ATG2B: variants seen among roughly 807,000 people sequenced by gnomAD.
ATG2B encodes autophagy-related protein 2 homolog B.
ATG2B carries 121 observed loss-of-function variants against 241.3 expected under a neutral mutation model. That is an observed-to-expected ratio of 0.50 (90% CI 0.43 to 0.58). ATG2B has a LOEUF of 0.58. Ranked by LOEUF, ATG2B falls within the 20% of genes least tolerant of loss-of-function variation. The pLI, the probability that ATG2B is intolerant of heterozygous loss-of-function variation, is 0.00. For missense variants in ATG2B, 2,306 were observed against 2,491.6 expected (o/e 0.93, Z 1.59); for synonymous variants, 858 against 876.6 (o/e 0.98, Z 0.37).
chr14:96,329,415 C>G, intron 12 of ATG2B, 69 bp downstream of exon 12: 1 of 1,119,464 alleles, frequency 8.9e-7, no homozygotes, highest in Non-Finnish European at 1.3e-6. Flanking sequence ...AAATCATTGC[C>G]TCATACAATC....
At chr14:96,332,280 C>T in intron 10 of ATG2B, 25 bp downstream of exon 10, 1 of 1,550,648 alleles carries the variant, frequency 6.4e-7, no homozygotes, top group South Asian at 1.1e-5. Flanking sequence ...CGGAAACTAA[C>T]AACAAATGTC....
chr14:96,342,680 C>G (rs1376869192), intron 5 of ATG2B, among the ~76,000 whole-genome samples: 1 of 149,968 alleles, frequency 6.7e-6, no homozygotes, highest in African/African-American at 2.5e-5. Context: ...CGAGATTGCG[C>G]CACTGCACAC....
chr14:96,339,271 AGTGTGTGTGTGTGTGT>A (rs34822684), intron 6 of ATG2B, among the ~76,000 whole-genome samples: 3 of 147,564 alleles, frequency 2.0e-5, no homozygotes, highest in East Asian at 2.0e-4. Flanking sequence ...GCAATTCCAC[AGTGTGTGTGTGTGTGT>A]GTGTGTGTGT....
At chr14:96,294,293 T>TG (rs1275215340) in intron 36 of ATG2B, among the ~76,000 whole-genome samples, 3 of 152,242 alleles carry the variant, frequency 2.0e-5, no homozygotes, top group Non-Finnish European at 4.4e-5. Context: ...AAGGGGGCAC[T>TG]GATCTTCAGT....
intron 6 of ATG2B, among the ~76,000 whole-genome samples, chr14:96,336,181 T>C (rs1210692285): frequency 6.6e-6 from 1 of 151,996 alleles, no homozygotes; most frequent in African/African-American, 2.4e-5. Context: ...ATGAAATCTT[T>C]CATAACATTT....
chr14:96,351,055 C>G (rs1341979897), intron 1 of ATG2B, among the ~76,000 whole-genome samples: 4 of 152,150 alleles, frequency 2.6e-5, no homozygotes, highest in Non-Finnish European at 5.9e-5. Context: ...CCATCTTATA[C>G]TTTTTTTGGC....
At chr14:96,302,589 AC>A (rs1886823015) in intron 33 of ATG2B, among the ~76,000 whole-genome samples, 1 of 150,012 alleles carries the variant, frequency 6.7e-6, no homozygotes, top group African/African-American at 2.4e-5. Flanking sequence ...GAAAAAAAAA[AC>A]TGCTTAAAGA....
chr14:96,334,552 T>TCACC, intron 6 of ATG2B, 51 bp from the exon 7 acceptor site: 1 of 1,096,170 alleles, frequency 9.1e-7, no homozygotes, highest in Non-Finnish European at 1.3e-6. Flanking sequence ...TATAACCTTA[T>TCACC]CACCATAAAC....
chr14:96,324,075 C>CCA, intron 15 of ATG2B, 77 bp from the exon 16 acceptor site: 2 of 960,646 alleles, frequency 2.1e-6, no homozygotes, highest in Non-Finnish European at 1.6e-6. Context: ...CAAAGATCCT[C>CCA]TCAATCAGGA....
chr14:96,349,864 A>G (rs1001094358), intron 1 of ATG2B, among the ~76,000 whole-genome samples: 2 of 152,210 alleles, frequency 1.3e-5, no homozygotes, highest in African/African-American at 2.4e-5. Flanking sequence ...TTAACATTAC[A>G]AACACAGAGG....
At position 96,315,537 on chromosome 14, in the gene ATG2B, G is replaced by T. The variant is rs1239313387; in HGVS notation, c.3408C>A (p.Ser1136Arg). 8 of 1,614,148 alleles carry T rather than the reference G, an allele frequency of 5.0e-6. No homozygotes were observed. Among genetic ancestry groups the T allele is most frequent in the Non-Finnish European group, 6.8e-6 (8 of 1,180,002 alleles). The change falls in exon 22 of 42, where the codon AGC (serine) becomes AGA (arginine). Residue 1136 changes from serine (S) to arginine (R), a missense_variant. By Grantham distance (110) the Ser-to-Arg change is moderately radical (BLOSUM62 -1). This residue lies in a region of ATG2B where 1,927 missense variants were observed against 2,011.2 expected (regional missense o/e 0.96). Coordinates refer to ENST00000359933, the MANE Select transcript of ATG2B (RefSeq NM_018036.7). The part of the protein sequence containing the change: ...VILPTETRLP[S>R]STRPHWLEPT... ...GTTCCAACCAGTGTGGGCGGGTTGA[G>T]CTGGGAAGTCGTGTTTCTGTCGGGA...
rs575160091 is a variant in ATG2B, at chr14:96,297,068, T to C, written c.5140-1508A>G. On this transcript the variant is annotated intron_variant, in intron 34 of 41. Transcript: ENST00000359933. ...GGTTCATGAATTGTTCATTATATTG[T>C]TATGCTTTACATATATATTCATGTA... is the stretch of plus-strand genomic sequence containing the variant. 4.6e-5 allele frequency among the ~76,000 whole-genome samples: 7 copies of C among 152,308 alleles called. No homozygotes were observed. In the East Asian group the frequency reaches 1.3e-3, roughly 29 times the overall value.
At chr14:96,345,437 G>A (rs749427844) in intron 2 of ATG2B, 52 bp from the exon 3 acceptor site, 22 of 1,341,054 alleles carry the variant, frequency 1.6e-5, no homozygotes, top group Non-Finnish European at 2.0e-5. Flanking sequence ...TTACAACAAT[G>A]CCAGTTCTTA....
intron 1 of ATG2B, among the ~76,000 whole-genome samples, chr14:96,361,150 TAA>T (rs1192692503): frequency 6.6e-6 from 1 of 152,204 alleles, no homozygotes; most frequent in African/African-American, 2.4e-5. Flanking sequence ...ATCCTCAGAT[TAA>T]GTTTAGTAAT....
chr14:96,329,827 T>A (rs546560940), intron 11 of ATG2B, among the ~76,000 whole-genome samples, 193 bp from the exon 12 acceptor site: 1 of 152,318 alleles, frequency 6.6e-6, no homozygotes, highest in African/African-American at 2.4e-5. Flanking sequence ...TCTGTTTATT[T>A]CCCAACACTG....
intron 1 of ATG2B, among the ~76,000 whole-genome samples, chr14:96,355,150 T>C (rs1888441245): frequency 6.6e-6 from 1 of 152,216 alleles, no homozygotes; most frequent in South Asian, 2.1e-4. Context: ...TAGATAACCA[T>C]TTCTCAGTTT....
At chr14:96,295,258 TTTTA>T in intron 35 of ATG2B, 91 bp from the exon 36 acceptor site, 3 of 1,208,264 alleles carry the variant, frequency 2.5e-6, no homozygotes, top group Non-Finnish European at 2.3e-6. Flanking sequence ...TTTTTCTACA[TTTTA>T]TTTAATCAAA....
chr14:96,331,077 G>A (rs767608721), intron 11 of ATG2B, among the ~76,000 whole-genome samples: 3 of 152,176 alleles, frequency 2.0e-5, no homozygotes, highest in Non-Finnish European at 4.4e-5. Flanking sequence ...TAGGGATGAA[G>A]GCAAAATGTG....
chr14:96,323,809 T>G (rs1887518879), intron 16 of ATG2B, 87 bp downstream of exon 16: 1 of 878,454 alleles, frequency 1.1e-6, no homozygotes, highest in African/African-American at 1.7e-5. Flanking sequence ...ATGTTTAGCT[T>G]ATATTTAATA....
Sources: allele counts gnomAD v4.1 joint callset (sites outside exome capture counted in the v4.1 genomes callset), GRCh38; gene constraint gnomAD v4.1.1; regional missense constraint gnomAD v4.1.1; transcripts MANE v1.5; gene names NCBI Gene and HGNC (gene_info 2026-07-23, HGNC 2026-07-21).